NUCKS1: variants seen among roughly 807,000 people sequenced by gnomAD.
The protein encoded by NUCKS1 is nuclear ubiquitous casein and cyclin-dependent kinase substrate 1.
In NUCKS1, 2 loss-of-function variants were observed where a neutral mutation model predicts 33.0. The observed-to-expected ratio is 0.06, with a 90% CI of 0.02 to 0.19. The LOEUF (loss-of-function observed/expected upper bound fraction) is 0.19. Ranked by LOEUF, NUCKS1 falls within the 10% of genes least tolerant of loss-of-function variation. The pLI, the probability that NUCKS1 is intolerant of heterozygous loss-of-function variation, is 1.00. For missense variants in NUCKS1, 201 were observed against 293.6 expected (o/e 0.68, Z 2.31); for synonymous variants, 106 against 102.8 (o/e 1.03, Z -0.19).
At chr1:205,747,003 A>G (rs1654348708) in intron 1 of NUCKS1, among the ~76,000 whole-genome samples, 1 of 152,222 alleles carries the variant, frequency 6.6e-6, no homozygotes, top group Middle Eastern at 3.2e-3. Context: ...AGTAAATCTG[A>G]GCTTTCTTTC....
At chr1:205,728,376 G>A (rs1014766324) in intron 2 of NUCKS1, among the ~76,000 whole-genome samples, 3 of 151,908 alleles carry the variant, frequency 2.0e-5, no homozygotes, top group Non-Finnish European at 2.9e-5. Flanking sequence ...AGTCTGGAGC[G>A]TCAGCAATTA....
At chr1:205,720,442 A>G in intron 5 of NUCKS1, 59 bp downstream of exon 5, 1 of 1,557,860 alleles carries the variant, frequency 6.4e-7, no homozygotes, top group Non-Finnish European at 8.7e-7. Flanking sequence ...CAAAGTAACC[A>G]AGGTCACAAA....
At chr1:205,723,790 G>T (rs544778526) in intron 4 of NUCKS1, 136 bp downstream of exon 4, 1 of 612,614 alleles carries the variant, frequency 1.6e-6, no homozygotes, top group South Asian at 2.3e-5. Context: ...CAATCATTAG[G>T]AGCTCTTTGA....
At chr1:205,746,490 A>ACACACACACAC (rs1558057646) in intron 1 of NUCKS1, among the ~76,000 whole-genome samples, 6 of 67,792 alleles carry the variant, frequency 8.9e-5, no homozygotes, top group African/African-American at 2.6e-4. Flanking sequence ...CACACACACT[A>ACACACACACAC]GAGAATAAGA....
At chr1:205,743,592 T>C (rs1346342588) in intron 1 of NUCKS1, among the ~76,000 whole-genome samples, 1 of 152,248 alleles carries the variant, frequency 6.6e-6, no homozygotes, top group African/African-American at 2.4e-5. Context: ...TTTTAATACA[T>C]TGACTCACAG....
intron 1 of NUCKS1, among the ~76,000 whole-genome samples, chr1:205,734,180 G>A (rs957991825): frequency 1.3e-5 from 2 of 152,000 alleles, no homozygotes; most frequent in East Asian, 3.9e-4. Context: ...GGCCTGGCCT[G>A]TAACTTGTTA....
intron 1 of NUCKS1, among the ~76,000 whole-genome samples, chr1:205,744,703 G>A (rs975311010): frequency 1.0e-4 from 15 of 144,826 alleles, no homozygotes; most frequent in Non-Finnish European, 1.9e-4. Flanking sequence ...CGTGGTCTCG[G>A]CTCACTGCAA....
Position 205,738,411 on chromosome 1 carries a change from C to A in NUCKS1, c.18-8790G>T, listed in dbSNP as rs1654079971. Among the ~76,000 whole-genome samples, 13 of 149,646 alleles carry A rather than the reference C, an allele frequency of 8.7e-5. No homozygotes were observed. The South Asian group carries it at 2.3e-3, about 27-fold the overall frequency. Reference sequence around the variant, plus strand: ...ACTGTAGCCTCCAGAGTACCCAGGACTAGAGGTGGACACTACCATGCCCAG... The same window carrying A: ...ACTGTAGCCTCCAGAGTACCCAGGAATAGAGGTGGACACTACCATGCCCAG... On this transcript the variant is annotated intron_variant, in intron 1 of 6. Transcript: ENST00000367142.
rs1671823278 is a variant in NUCKS1 at position 205,716,388 on chromosome 1, G to T, written c.*1892C>A. On this transcript the variant is annotated 3_prime_UTR_variant, in exon 7 of 7. Coordinates refer to ENST00000367142, the MANE Select transcript of NUCKS1 (RefSeq NM_022731.5). ...TTACTATATGAACACAAACTTCTTT[G>T]TTAAAAATGGATACCTGAACAAACC... 6.6e-6 allele frequency: 1 copy of T among 152,132 alleles called. No homozygotes were observed. Among genetic ancestry groups the T allele is most frequent in the Non-Finnish European group, 1.5e-5 (1 of 68,020 alleles). The allele number at this position is 152,132 out of a possible 1,614,324, so 9.4% of individuals were successfully genotyped here.
chr1:205,741,297 CAAAAAAAAA>C (rs56979923), intron 1 of NUCKS1, among the ~76,000 whole-genome samples: 9 of 78,922 alleles, frequency 1.1e-4, no homozygotes, highest in Non-Finnish European at 1.4e-4. Context: ...GAGACTGTCT[CAAAAAAAAA>C]AAAAAAAAAA....
At chr1:205,745,006 C>T (rs1654281748) in intron 1 of NUCKS1, among the ~76,000 whole-genome samples, 2 of 152,198 alleles carry the variant, frequency 1.3e-5, no homozygotes. Context: ...CTATACAGTA[C>T]ATGCATCCTG....
intron 1 of NUCKS1, among the ~76,000 whole-genome samples, chr1:205,730,816 C>T (rs559942940): frequency 2.2e-4 from 34 of 152,120 alleles, no homozygotes; most frequent in Middle Eastern, 3.4e-3. Context: ...AACAATCTCC[C>T]GTCTCTCAAA....
chr1:205,721,528 T>C (rs1671916321), intron 4 of NUCKS1, among the ~76,000 whole-genome samples: 1 of 152,212 alleles, frequency 6.6e-6, no homozygotes, highest in South Asian at 2.1e-4. Context: ...TAGAAAAATA[T>C]CTTAACATAG....
intron 2 of NUCKS1, among the ~76,000 whole-genome samples, chr1:205,728,130 C>G (rs1653822694): frequency 6.6e-6 from 1 of 152,040 alleles, no homozygotes; most frequent in South Asian, 2.1e-4. Context: ...GGTTATATTA[C>G]AAACATTTTA....
Position 205,718,417 on chromosome 1 carries a change from T to C in NUCKS1, c.595A>G (p.Lys199Glu), listed in dbSNP as rs1251876341. Residue 199 changes from lysine (K) to glutamate (E), a missense_variant, in exon 7 of 7, where the codon AAG (lysine) becomes GAG (glutamate). Coordinates refer to ENST00000367142, the MANE Select transcript of NUCKS1 (RefSeq NM_022731.5). ...VGRPTASKAS[K>E]EKTPSPKEED... The stretch of plus-strand genomic sequence containing the variant: ...TCTTTGGGAGAAGGAGTCTTTTCCT[T>C]TGATGCCTTTGAAGCTGTGGGGCGA... 1 of 1,613,100 alleles carries C rather than the reference T, an allele frequency of 6.2e-7. No individual in the cohort carries two copies. Among genetic ancestry groups the C allele is most frequent in the Non-Finnish European group, 8.5e-7 (1 of 1,179,932 alleles).
At chr1:205,749,508 G>A (rs891435627) in intron 1 of NUCKS1, among the ~76,000 whole-genome samples, 1 of 151,854 alleles carries the variant, frequency 6.6e-6, no homozygotes, top group Admixed American at 6.5e-5. Flanking sequence ...CCAGTCGCTG[G>A]GGGAAGGGGC....
chr1:205,718,274 T>G lies in NUCKS1; in HGVS notation c.*6A>C. The G allele has an allele frequency of 6.3e-7, 1 of 1,598,946 alleles. No individual in the cohort carries two copies. The highest frequency in any genetic ancestry group is 1.4e-5 in the African/African-American group (1 of 73,466). ...AATAAAATCTCTCCCCAGACCATCA[T>G]CACTTTTAATCCTCCCCAGAAGGGG... On this transcript the variant is annotated 3_prime_UTR_variant, in exon 7 of 7. Coordinates refer to ENST00000367142, the MANE Select transcript of NUCKS1 (RefSeq NM_022731.5).
In NUCKS1 at chr1:205,718,085, TAAAAAA is replaced by T; in HGVS notation, c.*189_*194del. ...CACTTACACATACAATGGTTTGCTTTAAAAAAAAAAAAAAAAAAAGAGAGAGAGAGA... is the reference window on the plus strand; with the variant it reads ...CACTTACACATACAATGGTTTGCTTTAAAAAAAAAAAAAGAGAGAGAGAGA... On this transcript the variant is annotated 3_prime_UTR_variant, in exon 7 of 7. Transcript: ENST00000367142. 3.9e-6 allele frequency: 4 copies of T among 1,020,358 alleles called. No individual in the cohort carries two copies. Among genetic ancestry groups the T allele is most frequent in the South Asian group, 4.0e-5 (1 of 25,050 alleles). 63.2% of individuals were successfully genotyped at this position (1,020,358 alleles called of 1,614,324 possible). A position where few individuals can be genotyped will look rare whatever the true frequency, so the allele number is the denominator to read the frequency against.
intron 4 of NUCKS1, among the ~76,000 whole-genome samples, chr1:205,721,198 G>A (rs886071430): frequency 4.6e-5 from 7 of 151,864 alleles, no homozygotes; most frequent in African/African-American, 1.7e-4. Flanking sequence ...GTGATGGGTT[G>A]ATGGGTGCAG....
Sources: allele counts gnomAD v4.1 joint callset (sites outside exome capture counted in the v4.1 genomes callset), GRCh38; gene constraint gnomAD v4.1.1; transcripts MANE v1.5; gene names NCBI Gene and HGNC (gene_info 2026-07-23, HGNC 2026-07-21).